The following JPH3 variants were observed in gnomAD, a reference collection of about 807,000 sequenced individuals.
JPH3 encodes junctophilin-3.
Under a neutral mutation model 59.6 loss-of-function variants are expected in JPH3, and 11 were observed. The ratio of observed to expected loss-of-function variants is 0.18; its 90% CI spans 0.12 to 0.31. JPH3 has a LOEUF of 0.31. Among genes scored for constraint, JPH3 ranks in the 10% least tolerant of loss-of-function variants. The probability of loss-of-function intolerance (pLI) is 1.00; values close to 1 mark genes in which losing one functional copy is unlikely to be tolerated. For synonymous variants in JPH3, 673 were observed against 483.6 expected (o/e 1.39, Z -5.14); for missense variants, 1,202 against 1,105.7 (o/e 1.09, Z -1.24).
At chr16:87,688,485 C>T (rs1751933629) in intron 3 of JPH3, among the ~76,000 whole-genome samples, 1 of 132,934 alleles carries the variant, frequency 7.5e-6, no homozygotes, top group Non-Finnish European at 1.5e-5. Flanking sequence ...GGGGTACAGG[C>T]GTCTCCCAGA....
intron 2 of JPH3, among the ~76,000 whole-genome samples, chr16:87,681,674 G>T (rs1014315015): frequency 1.4e-4 from 22 of 152,094 alleles, no homozygotes; most frequent in Non-Finnish European, 1.5e-5. Context: ...GGTGGTGACA[G>T]TTCCGGGAGG....
intron 2 of JPH3, among the ~76,000 whole-genome samples, chr16:87,673,392 G>A (rs752839007): frequency 3.3e-5 from 5 of 152,028 alleles, no homozygotes; most frequent in Non-Finnish European, 7.3e-5. Context: ...TCGTGGGGGT[G>A]TAAATGTCCT....
chr16:87,692,402 C>T (rs896947968), intron 4 of JPH3, among the ~76,000 whole-genome samples: 4 of 152,236 alleles, frequency 2.6e-5, no homozygotes, highest in Non-Finnish European at 5.9e-5. Context: ...CCAGGCTGGG[C>T]TGAGTGCCTT....
At chr16:87,684,121 G>T in intron 2 of JPH3, 21 bp from the exon 3 acceptor site, 1 of 1,606,594 alleles carries the variant, frequency 6.2e-7, no homozygotes, top group South Asian at 1.1e-5. Flanking sequence ...CCCCCCTCAC[G>T]CTCCTCCCTG....
intron 3 of JPH3, among the ~76,000 whole-genome samples, chr16:87,689,353 T>A (rs1170870753): frequency 6.6e-6 from 1 of 152,178 alleles, no homozygotes; most frequent in African/African-American, 2.4e-5. Flanking sequence ...CCTCACGCAC[T>A]TTCCGAGCCT....
intron 1 of JPH3, among the ~76,000 whole-genome samples, chr16:87,631,541 T>C (rs1020756691): frequency 6.6e-6 from 1 of 152,222 alleles, no homozygotes; most frequent in Non-Finnish European, 1.5e-5. Flanking sequence ...TCATTTGAGT[T>C]CTGAATTTCA....
chr16:87,692,270 G>C (rs1195469607), intron 4 of JPH3, among the ~76,000 whole-genome samples: 4 of 148,530 alleles, frequency 2.7e-5, no homozygotes, highest in African/African-American at 1.0e-4. Flanking sequence ...TCTGTGAGGG[G>C]AGATGGTGTG....
chr16:87,624,843 A>G (rs548685651), intron 1 of JPH3, among the ~76,000 whole-genome samples: 12 of 152,312 alleles, frequency 7.9e-5, no homozygotes, highest in African/African-American at 2.9e-4. Flanking sequence ...CTTGTTGCCC[A>G]GGCTGGAGTG....
At position 87,644,628 on chromosome 16, in the gene JPH3, C is replaced by T. The variant is rs1461744866; in HGVS notation, c.753C>T (p.Ser251=). The change falls in exon 2 of 5, where the codon AGC becomes AGT. Residue 251 remains serine (S), a synonymous_variant. Transcript: ENST00000284262. ...CCTTTCGCAGCGAGGCGGGCATGAGCACCGTCAGCTCCACGGCCAGCGACA... is the reference window on the plus strand; with the variant it reads ...CCTTTCGCAGCGAGGCGGGCATGAGTACCGTCAGCTCCACGGCCAGCGACA... ...QSSFRSEAGM[S]TVSSTASDIH... 6.2e-7 allele frequency: 1 copy of T among 1,612,414 alleles called. No individual in the cohort carries two copies. Among genetic ancestry groups the T allele is most frequent in the East Asian group, 2.2e-5 (1 of 44,844 alleles).
intron 1 of JPH3, among the ~76,000 whole-genome samples, chr16:87,631,888 A>G (rs2031576865): frequency 6.6e-6 from 1 of 151,770 alleles, no homozygotes; most frequent in Non-Finnish European, 1.5e-5. Context: ...TTTCCTTTTT[A>G]ATTGCATTTT....
chr16:87,637,393 A>G (rs75477811), intron 1 of JPH3, among the ~76,000 whole-genome samples: 5,230 of 74,592 alleles, frequency 0.07, 116 homozygotes, highest in Non-Finnish European at 0.11. Context: ...GTTATGGGGG[A>G]GAGAGAGAGA....
intron 2 of JPH3, among the ~76,000 whole-genome samples, chr16:87,681,358 G>A (rs1169195660): frequency 1.3e-5 from 2 of 148,486 alleles, no homozygotes; most frequent in African/African-American, 5.0e-5. Context: ...CGGGAGGTCA[G>A]GTGCGCGCGG....
In JPH3 at chr16:87,678,328, G is replaced by A. The variant is rs562685329; in HGVS notation, c.1161-5814G>A. ...GGAGGCTGAGGCGGTTGGATCACCTGAGGGTTTTGAGACCAGCCTGGCCAA... is the reference window on the plus strand; with the variant it reads ...GGAGGCTGAGGCGGTTGGATCACCTAAGGGTTTTGAGACCAGCCTGGCCAA... On this transcript the variant is annotated intron_variant, in intron 2 of 4. Transcript: ENST00000284262. Among the ~76,000 whole-genome samples, 3 of 152,290 alleles carry A rather than the reference G, an allele frequency of 2.0e-5. No individual in the cohort carries two copies. The East Asian group carries it at 5.8e-4, about 29-fold the overall frequency.
At chr16:87,626,014 C>T (rs1324678960) in intron 1 of JPH3, among the ~76,000 whole-genome samples, 1 of 152,198 alleles carries the variant, frequency 6.6e-6, no homozygotes, top group East Asian at 1.9e-4. Context: ...CCAGATTGGC[C>T]ACTCCTGGAT....
At position 87,684,355 on chromosome 16, in the gene JPH3, C is replaced by T. The variant is rs573404791; in HGVS notation, c.1285+89C>T. ...CTGGCAGCAGATGTGTCCTCCAGAGCGGGTAGGCTTAGATGGGCTCAGCCC... is the reference window on the plus strand; with the variant it reads ...CTGGCAGCAGATGTGTCCTCCAGAGTGGGTAGGCTTAGATGGGCTCAGCCC... On this transcript the variant is annotated intron_variant, in intron 3 of 4. Coordinates refer to ENST00000284262, the MANE Select transcript of JPH3 (RefSeq NM_020655.4). 1.9e-4 allele frequency: 294 copies of T among 1,536,564 alleles called. No individual in the cohort carries two copies. In the African/African-American group the frequency reaches 3.2e-3, roughly 17 times the overall value.
intron 1 of JPH3, among the ~76,000 whole-genome samples, chr16:87,642,168 G>A (rs1417280260): frequency 6.6e-6 from 1 of 151,938 alleles, no homozygotes; most frequent in Non-Finnish European, 1.5e-5. Flanking sequence ...TGAGGCTACA[G>A]GACTTTGAAT....
intron 2 of JPH3, among the ~76,000 whole-genome samples, chr16:87,658,351 T>C (rs1363869667): frequency 5.9e-5 from 9 of 152,098 alleles, no homozygotes; most frequent in Non-Finnish European, 1.2e-4. Flanking sequence ...CCTCTCTCTC[T>C]CCTTCTCCCC....
chr16:87,672,208 G>A (rs1212280986), intron 2 of JPH3, among the ~76,000 whole-genome samples: 2 of 152,130 alleles, frequency 1.3e-5, no homozygotes, highest in African/African-American at 2.4e-5. Context: ...GCAGCAAGGA[G>A]GGGGAGATCA....
At chr16:87,608,427 G>A (rs141849784) in intron 1 of JPH3, among the ~76,000 whole-genome samples, 1,970 of 152,260 alleles carry the variant, frequency 0.013, 43 homozygotes, top group African/African-American at 0.045. Flanking sequence ...ACATTGGTCC[G>A]TGTCTCCGTG....
Sources: allele counts gnomAD v4.1 joint callset (sites outside exome capture counted in the v4.1 genomes callset), GRCh38; gene constraint gnomAD v4.1.1; transcripts MANE v1.5; gene names NCBI Gene and HGNC (gene_info 2026-07-23, HGNC 2026-07-21).